Variants in REV3L observed in about 807,000 individuals in gnomAD.
REV3L encodes the protein REV3 like, DNA directed polymerase zeta catalytic subunit, also known as DNA polymerase zeta catalytic subunit.
A neutral mutation model predicts 299.4 loss-of-function variants in REV3L; 69 were observed. The ratio of observed to expected loss-of-function variants is 0.23; its 90% CI spans 0.19 to 0.28. REV3L has a LOEUF of 0.28. REV3L is among the 10% of genes least tolerant of loss of function. REV3L has a pLI of 1.00. For missense variants in REV3L, 3,128 were observed against 3,693.8 expected, an observed-to-expected ratio of 0.85 and a Z score of 3.97; for synonymous variants, 1,238 against 1,271.4, an observed-to-expected ratio of 0.97 and a Z score of 0.56.
rs756512986 is a variant in REV3L, at chr6:111,367,195, C to G, written c.6593G>C (p.Cys2198Ser). 6.2e-7 allele frequency: 1 copy of G among 1,613,796 alleles called. No homozygotes were observed. The highest frequency in any genetic ancestry group is 2.2e-5 in the East Asian group (1 of 44,884). Residue 2198 changes from cysteine (C) to serine (S), a missense_variant, in exon 14 of 32, where the codon TGC becomes TCC. This residue lies in a region of REV3L where 2,409 missense variants were observed against 2,611.8 expected (regional missense o/e 0.92). Transcript: ENST00000368802. ...CTGTATGATTGGTGTACTATGAAAG[C>G]AAAGTGATTCACATTTCCCAGTTCT... is the stretch of plus-strand genomic sequence containing the variant. ...RARTGKCESL[C>S]FHSTPIIQRK...
At chr6:111,330,866 A>G (rs1775312800) in intron 24 of REV3L, 2 of 465,618 alleles carry the variant, frequency 4.3e-6, no homozygotes, top group South Asian at 1.8e-4. Flanking sequence ...TTTTCCAAAA[A>G]GAAACATACC....
chr6:111,365,091 A>AC (rs1779063087), intron 15 of REV3L, among the ~76,000 whole-genome samples, 174 bp downstream of exon 15: 1 of 150,852 alleles, frequency 6.6e-6, no homozygotes, highest in Non-Finnish European at 1.5e-5. Flanking sequence ...CCCAACATCA[A>AC]AAAAAAAACT....
chr6:111,483,245 A>AG (rs1028068016), upstream of REV3L: 47 of 319,134 alleles, frequency 1.5e-4, no homozygotes, highest in African/African-American at 7.2e-4. Context: ...GGGAGGGGAG[A>AG]GGGGGGTGTG....
At chr6:111,436,899 T>G (rs1374471402) in intron 1 of REV3L, among the ~76,000 whole-genome samples, 2 of 152,220 alleles carry the variant, frequency 1.3e-5, no homozygotes, top group East Asian at 1.9e-4. Context: ...CCCAAACATA[T>G]GTACATCTAC....
At chr6:111,404,532 GA>G (rs1351187652) in intron 4 of REV3L, among the ~76,000 whole-genome samples, 1 of 152,138 alleles carries the variant, frequency 6.6e-6, no homozygotes, top group African/African-American at 2.4e-5. Flanking sequence ...CACTGACAGT[GA>G]TTCCACTGAT....
intron 26 of REV3L, among the ~76,000 whole-genome samples, chr6:111,319,449 GAGCGAGAT>G (rs1370302517): frequency 6.6e-6 from 1 of 151,696 alleles, no homozygotes; most frequent in African/African-American, 2.4e-5. Flanking sequence ...CTGGGCGGCA[GAGCGAGAT>G]TCTGTCTCAG....
intron 20 of REV3L, among the ~76,000 whole-genome samples, chr6:111,345,575 C>T (rs998689201): frequency 6.6e-6 from 1 of 152,064 alleles, no homozygotes; most frequent in African/African-American, 2.4e-5. Context: ...ATAATCATAC[C>T]CCAGGATCTA....
intron 2 of REV3L, among the ~76,000 whole-genome samples, chr6:111,415,792 C>G (rs1176340563): frequency 6.6e-6 from 1 of 152,100 alleles, no homozygotes; most frequent in Admixed American, 6.6e-5. Context: ...TACTTCCTTA[C>G]CCCACACTAC....
chr6:111,390,467 A>G (rs1252836032), intron 5 of REV3L, among the ~76,000 whole-genome samples: 1 of 152,170 alleles, frequency 6.6e-6, no homozygotes, highest in Admixed American at 6.5e-5. Flanking sequence ...GTTTTAGCAT[A>G]TGGTTATACC....
intron 18 of REV3L, chr6:111,353,700 G>C (rs1777800431): frequency 6.6e-6 from 1 of 152,186 alleles, no homozygotes; most frequent in African/African-American, 2.4e-5. Context: ...ACAATGGCAT[G>C]AATATCCAGA....
intron 25 of REV3L, among the ~76,000 whole-genome samples, chr6:111,326,922 A>T (rs1774892176): frequency 6.6e-6 from 1 of 152,030 alleles, no homozygotes; most frequent in African/African-American, 2.4e-5. Flanking sequence ...TCATGATTTC[A>T]CCTAGAAGTT....
At chr6:111,399,602 T>C (rs767524232) in intron 4 of REV3L, among the ~76,000 whole-genome samples, 5 of 152,154 alleles carry the variant, frequency 3.3e-5, no homozygotes, top group Non-Finnish European at 5.9e-5. Flanking sequence ...TTTGCAGTCA[T>C]GAGAACTGAT....
intron 1 of REV3L, among the ~76,000 whole-genome samples, chr6:111,463,215 C>G (rs1271754473): frequency 6.6e-6 from 1 of 152,146 alleles, no homozygotes. Flanking sequence ...GGTCCTTATG[C>G]AATTCAGTAA....
intron 2 of REV3L, chr6:111,411,875 G>T: frequency 1.8e-6 from 1 of 554,726 alleles, no homozygotes; most frequent in Non-Finnish European, 2.3e-6. Flanking sequence ...CAAACATCAA[G>T]ACTCTTTAAG....
intron 3 of REV3L, among the ~76,000 whole-genome samples, chr6:111,410,750 T>C (rs17510585): frequency 5.4e-4 from 82 of 152,298 alleles, no homozygotes; most frequent in Non-Finnish European, 6.0e-4. Context: ...AGTGCTTTAA[T>C]TCACTATGGG....
intron 1 of REV3L, among the ~76,000 whole-genome samples, chr6:111,420,307 C>T (rs1281020179): frequency 6.6e-6 from 1 of 152,020 alleles, no homozygotes; most frequent in African/African-American, 2.4e-5. Context: ...ATGTATACAC[C>T]ATGAAATGAT....
At chr6:111,469,020 G>A (rs953261817) in intron 1 of REV3L, among the ~76,000 whole-genome samples, 6 of 152,038 alleles carry the variant, frequency 3.9e-5, no homozygotes, top group Non-Finnish European at 8.8e-5. Flanking sequence ...AAATTAGCTG[G>A]GTGGGGTGGT....
intron 5 of REV3L, chr6:111,392,654 T>C: frequency 2.7e-6 from 1 of 371,414 alleles, no homozygotes; most frequent in South Asian, 6.5e-5. Flanking sequence ...CTACCTTGTA[T>C]TCCTTTTGTT....
intron 13 of REV3L, 36 bp from the exon 14 acceptor site, chr6:111,368,064 C>T: frequency 6.6e-7 from 1 of 1,517,180 alleles, no homozygotes; most frequent in South Asian, 1.3e-5. Flanking sequence ...TGTTTTGTTT[C>T]AAAGAGCAAT....
Sources: gnomAD v4.1 joint callset for allele counts (sites outside exome capture counted in the v4.1 genomes callset) on GRCh38, gnomAD v4.1.1 for gene constraint, gnomAD v4.1.1 regional missense constraint, MANE v1.5 for transcripts, NCBI Gene and HGNC (gene_info 2026-07-23, HGNC 2026-07-21) for gene names.